Variants in CRISPLD2 observed in about 807,000 individuals in gnomAD.
CRISPLD2 encodes the protein cysteine rich secretory protein LCCL domain containing 2.
CRISPLD2 carries 47 observed loss-of-function variants against 71.1 expected under a neutral mutation model. The ratio of observed to expected loss-of-function variants is 0.66; its 90% CI spans 0.52 to 0.84. The LOEUF is 0.84. Ranked by LOEUF, CRISPLD2 falls within the 40% of genes least tolerant of loss-of-function variation. CRISPLD2 has a pLI of 0.00. For missense variants in CRISPLD2, 830 were observed against 651.1 expected (o/e 1.27, Z -2.99); for synonymous variants, 317 against 250.1 (o/e 1.27, Z -2.52).
intron 4 of CRISPLD2, 41 bp from the exon 5 acceptor site, chr16:84,850,527 C>G (rs370001556): frequency 3.8e-6 from 6 of 1,560,066 alleles, no homozygotes; most frequent in Non-Finnish European, 4.4e-6. Context: ...CCTTTTGTGC[C>G]TTATCCCTCG....
intron 6 of CRISPLD2, among the ~76,000 whole-genome samples, chr16:84,858,279 C>T (rs1465110815): frequency 6.6e-6 from 1 of 152,162 alleles, no homozygotes; most frequent in Admixed American, 6.5e-5. Flanking sequence ...GTTCTGGACC[C>T]CACTCAAAAC....
intron 1 of CRISPLD2, among the ~76,000 whole-genome samples, chr16:84,832,367 T>C (rs1916508767): frequency 6.6e-6 from 1 of 152,218 alleles, no homozygotes; most frequent in Admixed American, 6.5e-5. Context: ...AGGTCAAGAA[T>C]TGAACCCAGG....
At chr16:84,885,809 C>CTTATTTTTTTTTTTTTTTTTTTTTTTT (rs1187626543) in intron 13 of CRISPLD2, among the ~76,000 whole-genome samples, 1 of 131,778 alleles carries the variant, frequency 7.6e-6, no homozygotes, top group African/African-American at 2.9e-5. Context: ...TGTTGGATCC[C>CTTATTTTTTTTTTTTTTTTTTTTTTTT]TTCTTTTTTT....
chr16:84,887,030 G>A (rs2071619489), intron 13 of CRISPLD2, among the ~76,000 whole-genome samples: 2 of 152,300 alleles, frequency 1.3e-5, no homozygotes, highest in South Asian at 4.1e-4. Flanking sequence ...TTCTTTGGAT[G>A]CCTCCTATAA....
At chr16:84,897,848 C>G (rs1482401173) in intron 14 of CRISPLD2, among the ~76,000 whole-genome samples, 1 of 152,226 alleles carries the variant, frequency 6.6e-6, no homozygotes, top group African/African-American at 2.4e-5. Flanking sequence ...AACCCCTGAC[C>G]TCAGGTGATC....
At chr16:84,837,566 G>A (rs762213180) in intron 1 of CRISPLD2, among the ~76,000 whole-genome samples, 5 of 132,528 alleles carry the variant, frequency 3.8e-5, no homozygotes, top group Admixed American at 7.2e-5. Flanking sequence ...ACAGGCGCGT[G>A]ACACCACGCC....
At chr16:84,889,740 G>T (rs946240601) in intron 14 of CRISPLD2, among the ~76,000 whole-genome samples, 8 of 146,828 alleles carry the variant, frequency 5.4e-5, no homozygotes, top group Non-Finnish European at 8.9e-5. Context: ...GCGTCCTTCC[G>T]GTTGTTTTTC....
intron 14 of CRISPLD2, among the ~76,000 whole-genome samples, chr16:84,895,602 C>T (rs994238619): frequency 1.3e-5 from 2 of 152,082 alleles, no homozygotes; most frequent in Non-Finnish European, 2.9e-5. Flanking sequence ...ACTTTTCCCC[C>T]CTAAGAATAA....
At chr16:84,840,742 A>C (rs1272237430) in intron 2 of CRISPLD2, among the ~76,000 whole-genome samples, 1 of 152,056 alleles carries the variant, frequency 6.6e-6, no homozygotes, top group Non-Finnish European at 1.5e-5. Flanking sequence ...GGATTTCACC[A>C]TGTTGGCCAG....
chr16:84,867,129 A>T, intron 7 of CRISPLD2, 89 bp downstream of exon 7: 1 of 1,395,576 alleles, frequency 7.2e-7, no homozygotes, highest in Non-Finnish European at 9.9e-7. Flanking sequence ...TAGTGGATTT[A>T]GGTCTGCAAA....
intron 2 of CRISPLD2, among the ~76,000 whole-genome samples, chr16:84,843,302 C>T (rs1916826067): frequency 6.6e-6 from 1 of 152,216 alleles, no homozygotes; most frequent in Admixed American, 6.5e-5. Context: ...CTGGTTCACA[C>T]CCAAACAAGC....
chr16:84,846,067 CTGAG>C, intron 3 of CRISPLD2, 163 bp downstream of exon 3: 1 of 534,320 alleles, frequency 1.9e-6, no homozygotes, highest in Non-Finnish European at 3.3e-6. Flanking sequence ...AGGAACACTC[CTGAG>C]TGACTGACAA....
At chr16:84,858,591 A>C (rs1917302683) in intron 6 of CRISPLD2, among the ~76,000 whole-genome samples, 2 of 152,242 alleles carry the variant, frequency 1.3e-5, no homozygotes, top group South Asian at 4.1e-4. Context: ...CTTCTTGCTC[A>C]CTGGATCCAA....
In CRISPLD2 at chr16:84,896,945, G is replaced by T. The variant is rs532376488; in HGVS notation, c.1439+7582G>T. 2.6e-5 allele frequency among the ~76,000 whole-genome samples: 4 copies of T among 152,302 alleles called. No homozygotes were observed. In the South Asian group the frequency reaches 8.3e-4, roughly 32 times the overall value. On this transcript the variant is annotated intron_variant, in intron 14 of 14. Transcript: ENST00000262424. ...CCTGTCTGCCTCTGGAACCAGAACC[G>T]GCCGTCCACCCTCCTTAATCCCGTC... is the stretch of plus-strand genomic sequence containing the variant.
intron 12 of CRISPLD2, among the ~76,000 whole-genome samples, chr16:84,878,713 A>G (rs1195558733): frequency 1.1e-4 from 17 of 151,564 alleles, no homozygotes; most frequent in Non-Finnish European, 2.5e-4. Context: ...GAACACAGGA[A>G]CATCCTCTTA....
chr16:84,838,816 C>G, intron 2 of CRISPLD2, 81 bp downstream of exon 2: 2 of 1,526,956 alleles, frequency 1.3e-6, no homozygotes, highest in Non-Finnish European at 1.8e-6. Flanking sequence ...CCAGCCAGCT[C>G]TGTTCCCCAG....
chr16:84,837,486 G>C (rs8063717), intron 1 of CRISPLD2, among the ~76,000 whole-genome samples: 5,969 of 150,290 alleles, frequency 0.04, 359 homozygotes, highest in African/African-American at 0.12. Flanking sequence ...GCGCAATCTC[G>C]GCTCACTGCA....
In CRISPLD2 at chr16:84,882,857, C is replaced by G. The variant is rs560192193; in HGVS notation, c.1305+2273C>G. Among the ~76,000 whole-genome samples, 4 of 152,348 alleles carry G rather than the reference C, an allele frequency of 2.6e-5. No individual in the cohort carries two copies. The South Asian group carries it at 6.2e-4, about 24-fold the overall frequency. ...CACAGTGAGCACGTGGCAAAGGTGA[C>G]AAACAGGTGAACATGTGTCCGGCTT... On this transcript the variant is annotated intron_variant, in intron 13 of 14. Transcript: ENST00000262424.
intron 1 of CRISPLD2, among the ~76,000 whole-genome samples, chr16:84,832,720 G>T (rs1916518648): frequency 6.6e-6 from 1 of 152,220 alleles, no homozygotes; most frequent in Non-Finnish European, 1.5e-5. Flanking sequence ...AGGGAGCTTG[G>T]CACAGGCTGG....
Sources: allele counts gnomAD v4.1 joint callset (sites outside exome capture counted in the v4.1 genomes callset), GRCh38; gene constraint gnomAD v4.1.1; transcripts MANE v1.5; gene names NCBI Gene and HGNC (gene_info 2026-07-23, HGNC 2026-07-21).